Variants in CCDC24 observed in about 807,000 individuals in gnomAD.
CCDC24 encodes coiled-coil domain-containing protein 24.
A neutral mutation model predicts 31.6 loss-of-function variants in CCDC24; 34 were observed. The ratio of observed to expected loss-of-function variants is 1.08; its 90% CI spans 0.82 to 1.43. CCDC24 has a LOEUF of 1.43. Ranked by LOEUF, CCDC24 falls within the 40% of genes most tolerant of loss-of-function variation. The probability of loss-of-function intolerance (pLI) is 0.00; values close to 1 mark genes in which losing one functional copy is unlikely to be tolerated. For synonymous variants in CCDC24, 175 were observed against 157.3 expected, an observed-to-expected ratio of 1.11 and a Z score of -0.84; for missense variants, 426 against 391.1, an observed-to-expected ratio of 1.09 and a Z score of -0.75.
intron 4 of CCDC24, 81 bp downstream of exon 4, chr1:43,992,720 T>C: frequency 7.8e-7 from 1 of 1,279,744 alleles, no homozygotes; most frequent in African/African-American, 1.5e-5. Flanking sequence ...CCTGGCTCCA[T>C]GCAGGAGATT....
In CCDC24 at chr1:43,992,076, C is replaced by T. The variant is rs1476482419; in HGVS notation, c.126+72C>T. On this transcript the variant is annotated intron_variant, in intron 2 of 8. Transcript: ENST00000372318. ...CGGGTGATTTCCCACCTCTGCGGGTCCCTGGCCCTGCCGGGTAACTCCCGA... is the reference window on the plus strand; with the variant it reads ...CGGGTGATTTCCCACCTCTGCGGGTTCCTGGCCCTGCCGGGTAACTCCCGA... The T allele has an allele frequency of 4.0e-6, 6 of 1,489,828 alleles. No homozygotes were observed. In the African/African-American group the frequency reaches 7.0e-5, roughly 17 times the overall value. The allele number at this position is 1,489,828 out of a possible 1,614,324, so 92.3% of individuals were successfully genotyped here.
Position 43,996,281 on chromosome 1 carries a change from C to T in CCDC24, c.*121C>T, listed in dbSNP as rs537225013. ...TCTTGGCGAGCTCTCGCCAGGACCC[C>T]AAGGCTGTTGGTCTGTCTGGCCCTT... On this transcript the variant is annotated 3_prime_UTR_variant, in exon 9 of 9. Transcript: ENST00000372318. 6.4e-6 allele frequency: 6 copies of T among 941,360 alleles called. No individual in the cohort carries two copies. The Admixed American group carries it at 1.8e-4, about 27-fold the overall frequency. The allele number at this position is 941,360 out of a possible 1,614,324, so 58.3% of individuals were successfully genotyped here. A position where few individuals can be genotyped will look rare whatever the true frequency, so the allele number is the denominator to read the frequency against.
In CCDC24 at chr1:43,995,513, C is replaced by G; in HGVS notation, c.553-88C>G. 2 of 1,377,234 alleles carry G rather than the reference C, an allele frequency of 1.5e-6. No homozygotes were observed. Among genetic ancestry groups the G allele is most frequent in the Non-Finnish European group, 2.0e-6 (2 of 1,021,590 alleles). The allele number at this position is 1,377,234 out of a possible 1,614,324, so 85.3% of individuals were successfully genotyped here. A position where few individuals can be genotyped will look rare whatever the true frequency, so the allele number is the denominator to read the frequency against. On this transcript the variant is annotated intron_variant, in intron 6 of 8. Transcript: ENST00000372318. The surrounding 1 kb of genome is among the most constrained non-coding windows in gnomAD (Gnocchi z 4.3). ...CGGTGGATGGGCTGAAGGGGCTGCA[C>G]GGGCCTGCCCTGGGGATCTTGGCCT...
chr1:43,992,769 A>G, intron 4 of CCDC24, 130 bp downstream of exon 4: 2 of 800,622 alleles, frequency 2.5e-6, no homozygotes, highest in Non-Finnish European at 2.1e-6. Flanking sequence ...CACTTGTGAT[A>G]GAGATTATCA....
chr1:43,993,285 G>GAA (rs34298087), intron 4 of CCDC24, among the ~76,000 whole-genome samples: 81,414 of 148,562 alleles, frequency 0.55, 25,917 homozygotes, highest in Non-Finnish European at 0.72. Flanking sequence ...TACAAAAAGT[G>GAA]AAAAAAAAAA....
Position 43,992,249 on chromosome 1 carries a change from C to CCT in CCDC24, c.168_169dup (p.Gln57LeufsTer22), listed in dbSNP as rs770002428. On this transcript the variant is annotated frameshift_variant, in exon 3 of 9. Transcript: ENST00000372318. LOFTEE classifies it high-confidence loss of function. ...CGGGCACTGCTCCAAGAGGCTCGAT[C>CCT]CTCTCAAGCCCCCAGCTCCCGCCCC... is the stretch of plus-strand genomic sequence containing the variant. 6.8e-6 allele frequency: 11 copies of CCT among 1,613,900 alleles called. No homozygotes were observed. In the African/African-American group the frequency reaches 1.2e-4, roughly 18 times the overall value.
chr1:43,991,873 T>C lies in CCDC24; in HGVS notation c.-6T>C, dbSNP rs775416891. On this transcript the variant is annotated 5_prime_UTR_variant, in exon 2 of 9. Coordinates refer to ENST00000372318, the MANE Select transcript of CCDC24 (RefSeq NM_152499.4). Reference sequence around the variant, plus strand: ...TCCGAGCCGGGGACGGCGGCGTCGGTGGGTCATGCTCCGGCACTCCCCCTC... The same window carrying C: ...TCCGAGCCGGGGACGGCGGCGTCGGCGGGTCATGCTCCGGCACTCCCCCTC... 23 of 1,550,976 alleles carry C rather than the reference T, an allele frequency of 1.5e-5. No homozygotes were observed. The highest frequency in any genetic ancestry group is 1.9e-5 in the Non-Finnish European group (22 of 1,147,206).
chr1:43,992,139 C>T (rs1217244194), intron 2 of CCDC24, 73 bp from the exon 3 acceptor site: 8 of 1,524,712 alleles, frequency 5.2e-6, no homozygotes, highest in Non-Finnish European at 7.1e-6. Context: ...CCGCCCTCTC[C>T]CTCACTCCCC....
Position 43,996,471 on chromosome 1 carries a change from C to A in CCDC24, c.*311C>A. The A allele has an allele frequency of 2.7e-6, 1 of 374,142 alleles. No individual in the cohort carries two copies. The highest frequency in any genetic ancestry group is 4.8e-6 in the Non-Finnish European group (1 of 208,334). 23.2% of individuals were successfully genotyped at this position (374,142 alleles called of 1,614,324 possible). A position where few individuals can be genotyped will look rare whatever the true frequency, so the allele number is the denominator to read the frequency against. ...TGTCCCCTGGGGGACCCAGACAAAG[C>A]ACAGCAGCCGCTCAGAGACAGGAAT... is the stretch of plus-strand genomic sequence containing the variant. On this transcript the variant is annotated 3_prime_UTR_variant, in exon 9 of 9. Coordinates refer to ENST00000372318, the MANE Select transcript of CCDC24 (RefSeq NM_152499.4).
At position 43,992,325 on chromosome 1, in the gene CCDC24, C is replaced by G. The variant is rs1409865773; in HGVS notation, c.240C>G (p.Leu80=). The change falls in exon 3 of 9, where the codon CTC becomes CTG. Residue 80 remains leucine (L), a synonymous_variant. Coordinates refer to ENST00000372318, the MANE Select transcript of CCDC24 (RefSeq NM_152499.4). Reference sequence around the variant, plus strand: ...CACCACCGCCTCTCCTAAAGGACCTCTTGCGCCAGGAGCTCCGGCAGTTGC... The same window carrying G: ...CACCACCGCCTCTCCTAAAGGACCTGTTGCGCCAGGAGCTCCGGCAGTTGC... ...LLAPPPLLKD[L]LRQELRQLLQ... 3.1e-6 allele frequency: 5 copies of G among 1,614,232 alleles called. No individual in the cohort carries two copies. Among genetic ancestry groups the G allele is most frequent in the East Asian group, 2.2e-5 (1 of 44,880 alleles).
chr1:43,995,115 C>T lies in CCDC24; in HGVS notation c.505C>T (p.Leu169=). 6.3e-7 allele frequency: 1 copy of T among 1,582,600 alleles called. No homozygotes were observed. The highest frequency in any genetic ancestry group is 2.3e-5 in the East Asian group (1 of 43,236). The change falls in exon 6 of 9, where the codon CTG becomes TTG. Residue 169 remains leucine (L), a synonymous_variant. Transcript: ENST00000372318. The surrounding 1 kb of genome is among the most constrained non-coding windows in gnomAD (Gnocchi z 4.3). ...DQVARHLRGL[L]EEECHTLERE... ...TGCTCCCTCATGTCCCAGGGGCCTT[C>T]TGGAGGAGGAGTGTCACACCTTGGA...
intron 5 of CCDC24, 106 bp downstream of exon 5, chr1:43,994,070 G>T: frequency 9.9e-7 from 1 of 1,010,730 alleles, no homozygotes; most frequent in Non-Finnish European, 1.5e-6. Flanking sequence ...ACTTGGCGGG[G>T]AGGCCCATGT....
At chr1:43,992,408 C>T (rs2085762880) in intron 3 of CCDC24, 21 bp downstream of exon 3, 1 of 1,613,514 alleles carries the variant, frequency 6.2e-7, no homozygotes, top group African/African-American at 1.3e-5. Context: ...CAGGCCTGGG[C>T]CCTTTCCCTA....
At chr1:43,994,084 T>A in intron 5 of CCDC24, 120 bp downstream of exon 5, 1 of 877,210 alleles carries the variant, frequency 1.1e-6, no homozygotes, top group Non-Finnish European at 1.8e-6. Flanking sequence ...CCCATGTGCG[T>A]AAGGCTGAGA....
chr1:43,991,796 C>A, intron 1 of CCDC24, 50 bp downstream of exon 1: 3 of 1,513,162 alleles, frequency 2.0e-6, no homozygotes, highest in East Asian at 2.5e-5. Context: ...GTTTGGTGAG[C>A]GTTGCCGGCG....
Position 43,995,086 on chromosome 1 carries a change from C to T in CCDC24, c.498-22C>T. The T allele has an allele frequency of 1.3e-6, 2 of 1,568,128 alleles. No individual in the cohort carries two copies. The highest frequency in any genetic ancestry group is 1.7e-6 in the Non-Finnish European group (2 of 1,157,050). ...CCTGGTCCTGTGTCTCGGGTTCTGG[C>T]TGCTGCTCCCTCATGTCCCAGGGGC... is the stretch of plus-strand genomic sequence containing the variant. On this transcript the variant is annotated intron_variant, in intron 5 of 8. Transcript: ENST00000372318. This position sits in a 1 kb window ranked among gnomAD's most constrained non-coding sequence, Gnocchi z 4.3.
At chr1:43,994,445 T>TCTTTCTTTC (rs1553157944) in intron 5 of CCDC24, 3 of 134,576 alleles carry the variant, frequency 2.2e-5, no homozygotes, top group East Asian at 2.2e-4. Context: ...TTTCTTTCTT[T>TCTTTCTTTC]TTTTTTTTTT....
In CCDC24 at chr1:43,993,794, G is replaced by T. The variant is rs1304729908; in HGVS notation, c.420-93G>T. The T allele has an allele frequency of 2.4e-6, 3 of 1,225,240 alleles. No homozygotes were observed. The Admixed American group carries it at 5.5e-5, about 22-fold the overall frequency. 75.9% of individuals were successfully genotyped at this position (1,225,240 alleles called of 1,614,324 possible). On this transcript the variant is annotated intron_variant, in intron 4 of 8. Transcript: ENST00000372318. The stretch of plus-strand genomic sequence containing the variant: ...CTTTGCACTATATTATATTGCCTTT[G>T]TGAGAAAAGAAACAGTTGCCTAGAA...
intron 5 of CCDC24, 38 bp downstream of exon 5, chr1:43,994,002 G>C: frequency 1.3e-6 from 2 of 1,568,076 alleles, no homozygotes; most frequent in Non-Finnish European, 1.8e-6. Flanking sequence ...ATAGGCAGGG[G>C]TGGAGACAAG....
Sources: allele counts gnomAD v4.1 joint callset (sites outside exome capture counted in the v4.1 genomes callset), GRCh38; gene constraint gnomAD v4.1.1; non-coding constraint Gnocchi (gnomAD v3.1); transcripts MANE v1.5; gene names NCBI Gene and HGNC (gene_info 2026-07-23, HGNC 2026-07-21).